The following PDE10A variants were observed in gnomAD, a reference collection of about 807,000 sequenced individuals.
PDE10A encodes the protein cAMP and cAMP-inhibited cGMP 3',5'-cyclic phosphodiesterase 10A.
PDE10A carries 39 observed loss-of-function variants against 97.7 expected under a neutral mutation model. That is an observed-to-expected ratio of 0.40 (90% CI 0.31 to 0.52). The LOEUF is 0.52. Ranked by LOEUF, PDE10A falls within the 20% of genes least tolerant of loss-of-function variation. The pLI is 0.56. For synonymous variants in PDE10A, 371 were observed against 376.8 expected (o/e 0.98, Z 0.18); for missense variants, 731 against 1,047.8 (o/e 0.70, Z 4.17).
chr6:165,920,281 G>C (rs566837044), intron 1 of PDE10A, among the ~76,000 whole-genome samples: 8 of 152,162 alleles, frequency 5.3e-5, no homozygotes, highest in Non-Finnish European at 1.0e-4. Flanking sequence ...TGTATGCCAT[G>C]ATCAAGGGCA....
At chr6:165,630,766 C>G (rs1214963415) in intron 1 of PDE10A, among the ~76,000 whole-genome samples, 1 of 151,690 alleles carries the variant, frequency 6.6e-6, no homozygotes, top group African/African-American at 2.4e-5. Context: ...AGTAACCTCA[C>G]AAAAAAAACA....
chr6:165,742,723 A>C lies in PDE10A; in HGVS notation c.-614-199155T>G, dbSNP rs529558987. On this transcript the variant is annotated intron_variant, in intron 1 of 19. Coordinates refer to the PDE10A transcript ENST00000366882. ...TCAGGGAAGGTCCTGTCCTGTAGAT[A>C]AGTGGTCCCAGCTACCCTGCATCCA... is the stretch of plus-strand genomic sequence containing the variant. 6.6e-5 allele frequency among the ~76,000 whole-genome samples: 10 copies of C among 152,186 alleles called. 1 individual carries two copies. Among genetic ancestry groups the C allele is most frequent in the Admixed American group, 5.2e-4 (8 of 15,284 alleles).
chr6:165,925,360 C>T (rs956587321), intron 1 of PDE10A, among the ~76,000 whole-genome samples: 25 of 152,156 alleles, frequency 1.6e-4, no homozygotes, highest in African/African-American at 4.6e-4. Context: ...ATGCACTTAC[C>T]CTAAGACTCA....
At chr6:165,450,507 T>G in intron 3 of PDE10A, 145 bp from the exon 4 acceptor site, 1 of 400,244 alleles carries the variant, frequency 2.5e-6, no homozygotes, top group Non-Finnish European at 4.4e-6. Context: ...ATTTAAATAT[T>G]ATAATCTATT....
intron 5 of PDE10A, among the ~76,000 whole-genome samples, chr6:165,440,837 T>C (rs184705702): frequency 1.3e-5 from 2 of 152,154 alleles, no homozygotes; most frequent in Non-Finnish European, 2.9e-5. Context: ...TACTTTTGAA[T>C]TAAAAATTTT....
chr6:165,494,110 A>C (rs1015614436), intron 2 of PDE10A, among the ~76,000 whole-genome samples: 1 of 152,168 alleles, frequency 6.6e-6, no homozygotes, highest in Non-Finnish European at 1.5e-5. Context: ...AATCAAAACC[A>C]CAATGAGATG....
chr6:165,610,688 G>A (rs1248190098), intron 1 of PDE10A, among the ~76,000 whole-genome samples: 1 of 152,210 alleles, frequency 6.6e-6, no homozygotes, highest in East Asian at 1.9e-4. Context: ...TGAGCCCACT[G>A]TGATGGCCAA....
intron 2 of PDE10A, among the ~76,000 whole-genome samples, chr6:165,486,383 C>A (rs948490392): frequency 6.6e-6 from 1 of 152,204 alleles, no homozygotes; most frequent in African/African-American, 2.4e-5. Flanking sequence ...GGTTTCACTA[C>A]TCAGGTCAAA....
intron 1 of PDE10A, among the ~76,000 whole-genome samples, chr6:165,902,488 C>G (rs1782140967): frequency 6.6e-6 from 1 of 152,312 alleles, no homozygotes; most frequent in South Asian, 2.1e-4. Context: ...AATACTTCCT[C>G]TCTTTTCTCT....
At chr6:165,447,508 T>A (rs1266956557) in intron 5 of PDE10A, among the ~76,000 whole-genome samples, 1 of 152,154 alleles carries the variant, frequency 6.6e-6, no homozygotes, top group East Asian at 1.9e-4. Context: ...AGGAGTAATG[T>A]GACGTGGACC....
intron 1 of PDE10A, among the ~76,000 whole-genome samples, chr6:165,968,568 G>C (rs1396005523): frequency 2.0e-5 from 3 of 152,192 alleles, no homozygotes; most frequent in Non-Finnish European, 4.4e-5. Context: ...GAGGCGTCAT[G>C]ACTCAGACAG....
intron 3 of PDE10A, among the ~76,000 whole-genome samples, chr6:165,453,274 A>G (rs139364529): frequency 1.3e-4 from 20 of 152,360 alleles, no homozygotes; most frequent in African/African-American, 4.1e-4. Context: ...AGCAGAATGG[A>G]AAGATTTGGA....
At chr6:165,346,368 A>G (rs763549258) in intron 18 of PDE10A, among the ~76,000 whole-genome samples, 9 of 152,092 alleles carry the variant, frequency 5.9e-5, no homozygotes, top group Non-Finnish European at 1.0e-4. Flanking sequence ...ATTAACACCC[A>G]TAAGAGTTAT....
chr6:165,608,788 T>G (rs1439586803), intron 1 of PDE10A, among the ~76,000 whole-genome samples: 2 of 152,214 alleles, frequency 1.3e-5, no homozygotes, highest in East Asian at 3.9e-4. Context: ...TTCCTGACTT[T>G]TTAATGATTG....
At chr6:165,798,501 C>G (rs1404536513) in intron 1 of PDE10A, among the ~76,000 whole-genome samples, 1 of 152,148 alleles carries the variant, frequency 6.6e-6, no homozygotes, top group East Asian at 1.9e-4. Flanking sequence ...TTTATGTCCA[C>G]AGAACCTGCA....
At chr6:165,468,986 G>A (rs941989015) in intron 3 of PDE10A, among the ~76,000 whole-genome samples, 8 of 152,176 alleles carry the variant, frequency 5.3e-5, no homozygotes, top group Admixed American at 4.6e-4. Flanking sequence ...GCCAAGAATG[G>A]TGTGGCAAAA....
chr6:165,639,688 G>A (rs757299527), intron 1 of PDE10A, among the ~76,000 whole-genome samples: 1 of 146,288 alleles, frequency 6.8e-6, no homozygotes, highest in Non-Finnish European at 1.5e-5. Flanking sequence ...ACAAGGAGCC[G>A]AGGTTGCACC....
chr6:165,383,870 G>T (rs1191562412), intron 17 of PDE10A, among the ~76,000 whole-genome samples: 2 of 152,170 alleles, frequency 1.3e-5, no homozygotes, highest in Non-Finnish European at 2.9e-5. Context: ...TACACTCAAA[G>T]AATTTTACAG....
At position 165,689,115 on chromosome 6, in the gene PDE10A, T is replaced by C. The variant is rs548364609; in HGVS notation, c.-614-145547A>G. ...ATTAAAATGTCTCAGACCTAGGCTT[T>C]CCCTAAGTTCAATATAGGTCCAGTT... On this transcript the variant is annotated intron_variant, in intron 1 of 19. Transcript: ENST00000366882. 3.3e-5 allele frequency among the ~76,000 whole-genome samples: 5 copies of C among 152,342 alleles called. No individual in the cohort carries two copies. The South Asian group carries it at 8.3e-4, about 25-fold the overall frequency.
Sources: allele counts gnomAD v4.1 joint callset (sites outside exome capture counted in the v4.1 genomes callset), GRCh38; gene constraint gnomAD v4.1.1; transcripts MANE v1.5; gene names NCBI Gene and HGNC (gene_info 2026-07-23, HGNC 2026-07-21).